Variants in MYO3A observed in about 807,000 individuals in gnomAD.
MYO3A encodes the protein myosin-IIIa.
MYO3A carries 180 observed loss-of-function variants against 192.7 expected under a neutral mutation model. The observed-to-expected ratio is 0.93, with a 90% CI of 0.83 to 1.06. The LOEUF (loss-of-function observed/expected upper bound fraction) is 1.06, where lower values mean the gene tolerates loss of function less well. MYO3A is among the 50% of genes least tolerant of loss of function. MYO3A has a pLI of 0.00. For synonymous variants in MYO3A, 628 were observed against 645.3 expected (o/e 0.97, Z 0.41); for missense variants, 1,896 against 1,905.0 (o/e 1.00, Z 0.09).
At chr10:26,072,357 T>C (rs1485104270) in intron 14 of MYO3A, among the ~76,000 whole-genome samples, 1 of 152,142 alleles carries the variant, frequency 6.6e-6, no homozygotes, top group Non-Finnish European at 1.5e-5. Context: ...AGCCAATGAC[T>C]GAGATGATGA....
At chr10:26,181,118 G>A (rs1162039554) in intron 31 of MYO3A, among the ~76,000 whole-genome samples, 1 of 152,008 alleles carries the variant, frequency 6.6e-6, no homozygotes, top group Non-Finnish European at 1.5e-5. Flanking sequence ...TTTACAAAAA[G>A]ATACATACGA....
At chr10:26,081,133 T>TCCCCCCCCCTTCCCCCCCCCCCCC (rs1835907338) in intron 14 of MYO3A, among the ~76,000 whole-genome samples, 17 of 84,934 alleles carry the variant, frequency 2.0e-4, no homozygotes, top group African/African-American at 6.8e-4. Flanking sequence ...TATATGCCCT[T>TCCCCCCCCCTTCCCCCCCCCCCCC]CCCCCCCCCC....
intron 10 of MYO3A, among the ~76,000 whole-genome samples, chr10:26,032,845 A>C (rs2131160957): frequency 6.6e-6 from 1 of 152,236 alleles, no homozygotes; most frequent in Admixed American, 6.5e-5. Flanking sequence ...TGGGCAAGAT[A>C]ATTTTTCTTT....
At chr10:26,090,017 C>A (rs1836600574) in intron 15 of MYO3A, among the ~76,000 whole-genome samples, 1 of 152,214 alleles carries the variant, frequency 6.6e-6, no homozygotes, top group South Asian at 2.1e-4. Flanking sequence ...GCCCAAAACT[C>A]AGTGGACATG....
intron 9 of MYO3A, among the ~76,000 whole-genome samples, chr10:26,024,949 C>G (rs1842473533): frequency 1.3e-5 from 2 of 152,216 alleles, no homozygotes; most frequent in South Asian, 4.1e-4. Flanking sequence ...CTCTAGGGCA[C>G]TGAATGTGCC....
chr10:25,992,870 A>G (rs559090354), intron 4 of MYO3A, among the ~76,000 whole-genome samples: 1,731 of 152,166 alleles, frequency 0.011, 38 homozygotes, highest in African/African-American at 0.037. Context: ...ACTTGATCAT[A>G]GTGGATAAGC....
chr10:26,122,184 A>G (rs1280792517), intron 18 of MYO3A, among the ~76,000 whole-genome samples: 1 of 152,224 alleles, frequency 6.6e-6, no homozygotes, highest in Non-Finnish European at 1.5e-5. Flanking sequence ...GATAGGTTGT[A>G]GATAAGAGTA....
At chr10:26,021,332 A>G (rs1202002711) in intron 7 of MYO3A, among the ~76,000 whole-genome samples, 171 bp from the exon 8 acceptor site, 1 of 152,226 alleles carries the variant, frequency 6.6e-6, no homozygotes, top group Non-Finnish European at 1.5e-5. Flanking sequence ...CAAAAATACT[A>G]CTACCAATAA....
intron 3 of MYO3A, among the ~76,000 whole-genome samples, chr10:25,952,770 G>C (rs1699061824): frequency 1.3e-5 from 2 of 151,896 alleles, no homozygotes; most frequent in African/African-American, 4.8e-5. Flanking sequence ...AGCAGACATG[G>C]TGTGGATTTA....
intron 26 of MYO3A, among the ~76,000 whole-genome samples, chr10:26,162,490 C>A (rs1042599323): frequency 4.6e-5 from 7 of 152,220 alleles, no homozygotes; most frequent in African/African-American, 1.7e-4. Flanking sequence ...GTTAACATTT[C>A]TTGGAGTGAA....
At chr10:26,131,299 C>T (rs1839518675) in intron 20 of MYO3A, among the ~76,000 whole-genome samples, 1 of 151,944 alleles carries the variant, frequency 6.6e-6, no homozygotes, top group Non-Finnish European at 1.5e-5. Flanking sequence ...ATCATAATAT[C>T]ATTTTCCCAT....
At chr10:25,945,204 C>A (rs1836758914) in intron 2 of MYO3A, among the ~76,000 whole-genome samples, 2 of 151,858 alleles carry the variant, frequency 1.3e-5, no homozygotes, top group Middle Eastern at 3.2e-3. Context: ...CTTCTAGTTT[C>A]ATTACATTTT....
intron 4 of MYO3A, among the ~76,000 whole-genome samples, chr10:25,964,872 TTC>T (rs553180786): frequency 6.6e-6 from 1 of 152,366 alleles, no homozygotes; most frequent in South Asian, 2.1e-4. Flanking sequence ...GGATATACTA[TTC>T]CAGGGTAAAA....
At chr10:26,087,213 AAAGAGCC>A (rs1261693348) in intron 14 of MYO3A, among the ~76,000 whole-genome samples, 1 of 152,192 alleles carries the variant, frequency 6.6e-6, no homozygotes, top group Non-Finnish European at 1.5e-5. Flanking sequence ...AAAGCATTTT[AAAGAGCC>A]AAGTTCATCC....
intron 4 of MYO3A, among the ~76,000 whole-genome samples, chr10:25,980,579 C>T (rs1332134566): frequency 6.6e-6 from 1 of 152,086 alleles, no homozygotes; most frequent in East Asian, 1.9e-4. Flanking sequence ...AAAATTCAGT[C>T]ATGAGTAGAA....
intron 27 of MYO3A, among the ~76,000 whole-genome samples, chr10:26,167,441 T>C (rs1841815403): frequency 6.6e-6 from 1 of 152,184 alleles, no homozygotes; most frequent in Non-Finnish European, 1.5e-5. Context: ...AATGATCAAT[T>C]TTATCAGGCT....
chr10:25,934,830 G>T (rs1835942483), intron 1 of MYO3A, among the ~76,000 whole-genome samples: 1 of 151,932 alleles, frequency 6.6e-6, no homozygotes, highest in Admixed American at 6.6e-5. Flanking sequence ...GGGTGAACGT[G>T]AAGTGGAAAC....
chr10:26,095,163 C>G (rs11014954), intron 15 of MYO3A, among the ~76,000 whole-genome samples: 21,709 of 152,126 alleles, frequency 0.14, 1,785 homozygotes, highest in East Asian at 0.31. Flanking sequence ...TTAGTGTCTC[C>G]TGCCCCAACC....
chr10:26,209,216 A>G (rs1238862345), intron 34 of MYO3A, among the ~76,000 whole-genome samples: 1 of 152,166 alleles, frequency 6.6e-6, no homozygotes, highest in African/African-American at 2.4e-5. Flanking sequence ...GCTAAAGTGA[A>G]ACCTTCCCTT....
Sources: allele counts gnomAD v4.1 joint callset (sites outside exome capture counted in the v4.1 genomes callset), GRCh38; gene constraint gnomAD v4.1.1; transcripts MANE v1.5; gene names NCBI Gene and HGNC (gene_info 2026-07-23, HGNC 2026-07-21).